The following GPC6 variants were observed in gnomAD, a reference collection of about 807,000 sequenced individuals.
The protein encoded by GPC6 is glypican-6.
A neutral mutation model predicts 55.2 loss-of-function variants in GPC6; 14 were observed. That is an observed-to-expected ratio of 0.25 (90% CI 0.17 to 0.40). GPC6 has a LOEUF of 0.40. Ranked by LOEUF, GPC6 falls within the 10% of genes least tolerant of loss-of-function variation. The pLI, the probability that GPC6 is intolerant of heterozygous loss-of-function variation, is 1.00. For missense variants in GPC6, 641 were observed against 708.5 expected (o/e 0.90, Z 1.08); for synonymous variants, 278 against 259.6 (o/e 1.07, Z -0.68).
intron 6 of GPC6, among the ~76,000 whole-genome samples, chr13:94,379,932 A>G (rs1489287906): frequency 1.3e-5 from 2 of 152,228 alleles, no homozygotes; most frequent in Non-Finnish European, 2.9e-5. Context: ...AAGAGGGCAT[A>G]GCGCAGCGCA....
chr13:94,146,340 C>T (rs1282843581), intron 4 of GPC6, among the ~76,000 whole-genome samples: 2 of 152,056 alleles, frequency 1.3e-5, no homozygotes, highest in Non-Finnish European at 2.9e-5. Flanking sequence ...GTGACTTCCT[C>T]TAGACACAGT....
intron 1 of GPC6, chr13:93,450,660 C>T (rs546399500): frequency 6.4e-5 from 43 of 670,936 alleles, no homozygotes; most frequent in Admixed American, 1.3e-4. Flanking sequence ...CTGAAGAATG[C>T]GTACTTCTGT....
chr13:93,867,465 A>C (rs915363297), intron 3 of GPC6, among the ~76,000 whole-genome samples: 1 of 151,748 alleles, frequency 6.6e-6, no homozygotes, highest in Non-Finnish European at 1.5e-5. Flanking sequence ...TAGGGTTATT[A>C]ATAAAGCCTT....
chr13:94,362,288 T>C (rs956566436), intron 6 of GPC6, among the ~76,000 whole-genome samples: 4 of 152,234 alleles, frequency 2.6e-5, no homozygotes, highest in African/African-American at 9.6e-5. Flanking sequence ...ATTCATCATG[T>C]AGCTTTACTT....
intron 2 of GPC6, among the ~76,000 whole-genome samples, chr13:93,696,078 C>G (rs1882442021): frequency 6.6e-6 from 1 of 152,008 alleles, no homozygotes; most frequent in African/African-American, 2.4e-5. Flanking sequence ...AAATGTATTC[C>G]CAAATACATG....
At chr13:94,317,636 G>T (rs1876607201) in intron 6 of GPC6, among the ~76,000 whole-genome samples, 2 of 152,194 alleles carry the variant, frequency 1.3e-5, no homozygotes, top group African/African-American at 4.8e-5. Context: ...GGGCTCAAGT[G>T]AAAGGATCCT....
chr13:93,802,610 G>A (rs768629237), intron 2 of GPC6, among the ~76,000 whole-genome samples: 1 of 151,960 alleles, frequency 6.6e-6, no homozygotes, highest in Non-Finnish European at 1.5e-5. Context: ...TCACTACATT[G>A]CCCAAGTTGG....
At chr13:94,288,447 C>T (rs1892591521) in intron 5 of GPC6, among the ~76,000 whole-genome samples, 1 of 152,048 alleles carries the variant, frequency 6.6e-6, no homozygotes, top group East Asian at 1.9e-4. Context: ...CAGTCTCCCA[C>T]TTTGCCTTTC....
chr13:93,393,127 T>G (rs9524042), intron 1 of GPC6, among the ~76,000 whole-genome samples: 3,775 of 87,558 alleles, frequency 0.043, 119 homozygotes, highest in African/African-American at 0.094. Flanking sequence ...TATATATATA[T>G]AGAGAGAGAG....
rs541447356 is a variant in GPC6, at chr13:93,981,954, A to T, written c.712-45775A>T. On this transcript the variant is annotated intron_variant, in intron 3 of 8. Transcript: ENST00000377047. ...TATTTCATCAAGAAATATCTAATAAATGATGTCTTTTTTTCTTCTATTTCT... is the reference window on the plus strand; with the variant it reads ...TATTTCATCAAGAAATATCTAATAATTGATGTCTTTTTTTCTTCTATTTCT... 1.7e-4 allele frequency among the ~76,000 whole-genome samples: 26 copies of T among 152,294 alleles called. No homozygotes were observed. In the South Asian group the frequency reaches 5.2e-3, roughly 30 times the overall value.
chr13:94,147,647 A>T (rs1887609081), intron 4 of GPC6, among the ~76,000 whole-genome samples: 1 of 152,164 alleles, frequency 6.6e-6, no homozygotes, highest in Non-Finnish European at 1.5e-5. Flanking sequence ...TGGACCAAAG[A>T]TCAGATCACT....
intron 2 of GPC6, among the ~76,000 whole-genome samples, chr13:93,669,098 CAAG>C (rs1566477704): frequency 2.0e-5 from 3 of 152,074 alleles, no homozygotes; most frequent in Admixed American, 1.3e-4. Flanking sequence ...TTTTTATAAA[CAAG>C]AAGATGAGCC....
chr13:93,232,054 T>TC (rs560397388), intron 1 of GPC6, among the ~76,000 whole-genome samples: 2 of 151,710 alleles, frequency 1.3e-5, no homozygotes, highest in African/African-American at 4.8e-5. Flanking sequence ...TTCTGTCTGC[T>TC]CCCCCGGCAA....
chr13:93,888,245 G>C (rs530788837), intron 3 of GPC6, among the ~76,000 whole-genome samples: 2 of 152,252 alleles, frequency 1.3e-5, no homozygotes, highest in South Asian at 4.1e-4. Flanking sequence ...TAAAGCAAAA[G>C]ATAGTATCCA....
chr13:94,175,258 G>A (rs1199945640), intron 4 of GPC6, among the ~76,000 whole-genome samples: 1 of 152,136 alleles, frequency 6.6e-6, no homozygotes, highest in African/African-American at 2.4e-5. Flanking sequence ...GTTAGGCTTT[G>A]TGGATAATAT....
chr13:93,977,565 C>A (rs1436159502), intron 3 of GPC6, among the ~76,000 whole-genome samples: 1 of 139,640 alleles, frequency 7.2e-6, no homozygotes. Context: ...TGATTTTTTT[C>A]CTTTTGATTC....
chr13:94,175,820 T>C (rs942294755), intron 4 of GPC6, among the ~76,000 whole-genome samples: 1 of 148,444 alleles, frequency 6.7e-6, no homozygotes, highest in Non-Finnish European at 1.5e-5. Context: ...ATATCTTTTA[T>C]ATAAATATAT....
intron 4 of GPC6, among the ~76,000 whole-genome samples, chr13:94,077,781 T>C (rs1190401024): frequency 6.6e-5 from 10 of 151,948 alleles, no homozygotes; most frequent in African/African-American, 2.4e-4. Flanking sequence ...TTTATTGTTT[T>C]GTGTATATTG....
intron 2 of GPC6, among the ~76,000 whole-genome samples, chr13:93,553,431 G>A (rs553277631): frequency 1.3e-5 from 2 of 151,906 alleles, no homozygotes; most frequent in South Asian, 2.1e-4. Flanking sequence ...AGTGGCTTAC[G>A]CCTGTAATCC....
Sources: gnomAD v4.1 joint callset for allele counts (sites outside exome capture counted in the v4.1 genomes callset) on GRCh38, gnomAD v4.1.1 for gene constraint, MANE v1.5 for transcripts, NCBI Gene and HGNC (gene_info 2026-07-23, HGNC 2026-07-21) for gene names.